Variants in RALYL observed in about 807,000 individuals in gnomAD.
The protein encoded by RALYL is RALY RNA binding protein like.
A neutral mutation model predicts 35.1 loss-of-function variants in RALYL; 29 were observed. The ratio of observed to expected loss-of-function variants is 0.83; its 90% CI spans 0.61 to 1.13. The LOEUF (loss-of-function observed/expected upper bound fraction) is 1.13. RALYL is among the 50% of genes most tolerant of loss of function. RALYL has a pLI of 0.00. For missense variants in RALYL, 359 were observed against 360.4 expected (o/e 1.00, Z 0.03); for synonymous variants, 120 against 127.6 (o/e 0.94, Z 0.40).
intron 1 of RALYL, among the ~76,000 whole-genome samples, chr8:84,255,464 T>C (rs1831036723): frequency 6.6e-6 from 1 of 152,172 alleles, no homozygotes; most frequent in African/African-American, 2.4e-5. Context: ...ACTGGGTAAG[T>C]TCAGGATGTA....
At chr8:84,748,846 CAATGAAAAA>C (rs1477892023) in intron 2 of RALYL, among the ~76,000 whole-genome samples, 1 of 151,956 alleles carries the variant, frequency 6.6e-6, no homozygotes, top group African/African-American at 2.4e-5. Context: ...GGTTTTGATC[CAATGAAAAA>C]TATCAACGAG....
chr8:84,694,383 T>C (rs1838712871), intron 2 of RALYL, among the ~76,000 whole-genome samples: 1 of 151,836 alleles, frequency 6.6e-6, no homozygotes, highest in Non-Finnish European at 1.5e-5. Flanking sequence ...AAAAAATATA[T>C]TCATGAGTAA....
intron 2 of RALYL, among the ~76,000 whole-genome samples, chr8:84,693,869 G>A (rs1838589327): frequency 6.6e-6 from 1 of 151,828 alleles, no homozygotes. Context: ...AAAACCATAT[G>A]ATCACCTCAA....
chr8:84,658,269 C>T (rs969220230), intron 2 of RALYL, among the ~76,000 whole-genome samples: 3 of 152,164 alleles, frequency 2.0e-5, no homozygotes, highest in Non-Finnish European at 4.4e-5. Context: ...ACATAAATCC[C>T]TGTCATATTC....
chr8:84,716,918 T>C (rs1349761164), intron 2 of RALYL, among the ~76,000 whole-genome samples: 2 of 151,872 alleles, frequency 1.3e-5, no homozygotes, highest in Non-Finnish European at 2.9e-5. Context: ...ATACAAGAAA[T>C]TGTAGCATAA....
intron 1 of RALYL, among the ~76,000 whole-genome samples, chr8:84,428,808 C>A (rs1390081925): frequency 6.6e-6 from 1 of 152,114 alleles, no homozygotes; most frequent in Non-Finnish European, 1.5e-5. Context: ...CTCTACATTT[C>A]CTAATTTATC....
At chr8:84,281,740 C>G (rs1230143119) in intron 1 of RALYL, among the ~76,000 whole-genome samples, 1 of 146,272 alleles carries the variant, frequency 6.8e-6, no homozygotes. Context: ...TATGTAATCT[C>G]CAAGTGTATG....
chr8:84,372,503 C>T (rs1855918351), intron 1 of RALYL, among the ~76,000 whole-genome samples: 1 of 151,866 alleles, frequency 6.6e-6, no homozygotes. Flanking sequence ...CTCAGGAGGC[C>T]AAGGTTGGAG....
At position 84,635,884 on chromosome 8, in the gene RALYL, A is replaced by G. The variant is rs146482541; in HGVS notation, c.256+106307A>G. 1.7e-3 allele frequency among the ~76,000 whole-genome samples: 253 copies of G among 151,886 alleles called. 2 individuals carry two copies. Among genetic ancestry groups the G allele is most frequent in the African/African-American group, 5.3e-3 (220 of 41,502 alleles). On this transcript the variant is annotated intron_variant, in intron 2 of 8. Transcript: ENST00000521268. ...TCAACCATTAACTTCATGCTTTATAACACAATATGTGAACTTACAGTATCT... is the reference window on the plus strand; with the variant it reads ...TCAACCATTAACTTCATGCTTTATAGCACAATATGTGAACTTACAGTATCT...
At chr8:84,614,402 T>C (rs1283893254) in intron 2 of RALYL, among the ~76,000 whole-genome samples, 2 of 151,708 alleles carry the variant, frequency 1.3e-5, no homozygotes, top group African/African-American at 4.9e-5. Flanking sequence ...TTTCAGAATC[T>C]AGAAGGACAC....
intron 1 of RALYL, among the ~76,000 whole-genome samples, chr8:84,408,139 A>T (rs1383815859): frequency 6.6e-6 from 1 of 152,144 alleles, no homozygotes; most frequent in Non-Finnish European, 1.5e-5. Context: ...TATAAAATTT[A>T]TAAATGTTTA....
intron 2 of RALYL, among the ~76,000 whole-genome samples, chr8:84,536,742 C>T (rs2059636589): frequency 6.6e-6 from 1 of 152,150 alleles, no homozygotes; most frequent in Admixed American, 6.5e-5. Context: ...TAATTTTTAG[C>T]TTTTGCCTCA....
intron 1 of RALYL, among the ~76,000 whole-genome samples, chr8:84,274,200 T>C (rs1440895629): frequency 6.6e-6 from 1 of 152,198 alleles, no homozygotes; most frequent in African/African-American, 2.4e-5. Context: ...GTGATGCATA[T>C]GTGTGCCTCA....
At chr8:84,612,550 C>CAAGCATTTGCT (rs1564235368) in intron 2 of RALYL, among the ~76,000 whole-genome samples, 1 of 151,832 alleles carries the variant, frequency 6.6e-6, no homozygotes, top group African/African-American at 2.4e-5. Flanking sequence ...TGTTACTCTA[C>CAAGCATTTGCT]TCCAGAAGAG....
At chr8:84,624,415 T>G (rs1471018457) in intron 2 of RALYL, among the ~76,000 whole-genome samples, 2 of 152,188 alleles carry the variant, frequency 1.3e-5, no homozygotes, top group Non-Finnish European at 2.9e-5. Flanking sequence ...TCTTTTCTGA[T>G]TTTTAAAGGC....
chr8:84,401,793 ACT>A lies in RALYL; in HGVS notation c.-23-127503_-23-127502del, dbSNP rs969370212. 3.8e-4 allele frequency among the ~76,000 whole-genome samples: 58 copies of A among 151,518 alleles called. 2 individuals carry two copies. The highest frequency in any genetic ancestry group is 3.5e-3 in the Admixed American group (54 of 15,212). On this transcript the variant is annotated intron_variant, in intron 1 of 8. Transcript: ENST00000521268. ...TTGAGACATATTGAAATGGGTTATG[ACT>A]CTATAGCCTGACAGACATTGCAGTA...
At chr8:84,435,087 G>A (rs1251559295) in intron 1 of RALYL, among the ~76,000 whole-genome samples, 1 of 152,080 alleles carries the variant, frequency 6.6e-6, no homozygotes, top group African/African-American at 2.4e-5. Flanking sequence ...AGGATGTACT[G>A]TCTTTATCTG....
intron 8 of RALYL, among the ~76,000 whole-genome samples, chr8:84,915,037 C>G (rs1168520951): frequency 1.3e-5 from 2 of 152,144 alleles, no homozygotes; most frequent in East Asian, 3.9e-4. Flanking sequence ...AACTAATAAT[C>G]AATCTGAGGA....
chr8:84,718,957 C>T (rs1053324760), intron 2 of RALYL, among the ~76,000 whole-genome samples: 6 of 152,200 alleles, frequency 3.9e-5, no homozygotes, highest in African/African-American at 1.2e-4. Flanking sequence ...ATCATTCATA[C>T]ATTATGTTGT....
Sources: allele counts gnomAD v4.1 joint callset (sites outside exome capture counted in the v4.1 genomes callset), GRCh38; gene constraint gnomAD v4.1.1; transcripts MANE v1.5; gene names NCBI Gene and HGNC (gene_info 2026-07-23, HGNC 2026-07-21).